Variants in ADGRG1 observed in about 807,000 individuals in gnomAD.
The protein encoded by ADGRG1 is adhesion G protein-coupled receptor G1, also known as 7-transmembrane protein with no EGF-like N-terminal domains-1.
ADGRG1 carries 53 observed loss-of-function variants against 73.5 expected under a neutral mutation model. That is an observed-to-expected ratio of 0.72 (90% confidence interval 0.58 to 0.91). The LOEUF (loss-of-function observed/expected upper bound fraction) is 0.91. Ranked by LOEUF, ADGRG1 falls within the 40% of genes least tolerant of loss-of-function variation. The pLI is 0.00. For synonymous variants in ADGRG1, 394 were observed against 374.4 expected, an observed-to-expected ratio of 1.05 and a Z score of -0.60; for missense variants, 795 against 871.8, an observed-to-expected ratio of 0.91 and a Z score of 1.11.
upstream of ADGRG1, chr16:57,625,456 C>G: frequency 2.3e-6 from 1 of 429,352 alleles, no homozygotes. Context: ...TGTCCCAGCC[C>G]TTTTCCTGGT....
rs2043181638 is a variant in ADGRG1, at chr16:57,648,324, G to C, written c.-35-1929G>C. 9.0e-6 allele frequency: 3 copies of C among 332,324 alleles called. No individual in the cohort carries two copies. The Admixed American group carries it at 1.9e-4, about 21-fold the overall frequency. The allele number at this position is 332,324 out of a possible 1,614,324, so 20.6% of individuals were successfully genotyped here. ...AGGTGGCAGGAGGCAGTTTCAAAAGGAATCAAAATGCTTACAAATCACAAC... is the reference window on the plus strand; with the variant it reads ...AGGTGGCAGGAGGCAGTTTCAAAAGCAATCAAAATGCTTACAAATCACAAC... On this transcript the variant is annotated intron_variant, in intron 1 of 13. Transcript: ENST00000562631.
rs763611950 is a variant in ADGRG1, at chr16:57,656,549, G to C, written c.1099G>C (p.Glu367Gln). ...SPGHWSSAGCETVRRETQTSC... is the reference protein window; with the variant it reads ...SPGHWSSAGCQTVRRETQTSC... ...GGGGCATTGGAGCAGTGCTGGGTGT[G>C]AGACCGTCAGGAGAGAAACCCAAAC... The change falls in exon 9 of 14, where the codon GAG becomes CAG. Residue 367 changes from glutamate (E) to glutamine (Q), a missense_variant. Transcript: ENST00000562631. The C allele has an allele frequency of 6.2e-7, 1 of 1,613,934 alleles. No homozygotes were observed.
chr16:57,650,678 C>G (rs1205093318), intron 2 of ADGRG1, among the ~76,000 whole-genome samples: 1 of 151,258 alleles, frequency 6.6e-6, no homozygotes, highest in Non-Finnish European at 1.5e-5. Context: ...TATGTTTTCC[C>G]CTTGAAATTA....
intron 8 of ADGRG1, 56 bp from the exon 9 acceptor site, chr16:57,656,458 C>A: frequency 6.3e-7 from 1 of 1,583,988 alleles, no homozygotes; most frequent in Non-Finnish European, 8.7e-7. Context: ...GGGGTGGACA[C>A]AGTGGGGTCC....
intron 1 of ADGRG1, chr16:57,632,084 GC>G: frequency 1.0e-6 from 1 of 985,464 alleles, no homozygotes; most frequent in Non-Finnish European, 1.2e-6. Context: ...TCAGTGCCTT[GC>G]ACACGACACC....
At chr16:57,650,812 C>T (rs1415361135) in intron 2 of ADGRG1, among the ~76,000 whole-genome samples, 2 of 150,102 alleles carry the variant, frequency 1.3e-5, no homozygotes, top group Non-Finnish European at 3.0e-5. Flanking sequence ...GGGTTCACGC[C>T]ATTCTCCTGC....
At chr16:57,642,176 A>G (rs2041012200) in intron 1 of ADGRG1, 19 of 985,318 alleles carry the variant, frequency 1.9e-5, no homozygotes, top group Non-Finnish European at 2.3e-5. Flanking sequence ...TCACAGGCCC[A>G]GCTGGCCACG....
chr16:57,637,603 G>A (rs920178916), intron 1 of ADGRG1: 25 of 985,448 alleles, frequency 2.5e-5, no homozygotes, highest in Non-Finnish European at 2.9e-5. Context: ...AGAACAGCAA[G>A]TCCTTTCTTT....
intron 1 of ADGRG1, chr16:57,631,071 T>G (rs12448530): frequency 0.24 from 237,021 of 984,446 alleles, 29,117 homozygotes; most frequent in African/African-American, 0.36. Flanking sequence ...GGATGGGTGT[T>G]CAGTGTGAGG....
intron 2 of ADGRG1, 40 bp downstream of exon 2, chr16:57,650,391 C>G: frequency 6.2e-7 from 1 of 1,608,854 alleles, no homozygotes; most frequent in South Asian, 1.1e-5. Flanking sequence ...TTGGAACTTA[C>G]GTTAAAATGC....
At position 57,660,789 on chromosome 16, in the gene ADGRG1, C is replaced by T. The variant is rs373179390; in HGVS notation, c.1577C>T (p.Thr526Met). 3.0e-5 allele frequency: 49 copies of T among 1,612,048 alleles called. No homozygotes were observed. Among genetic ancestry groups the T allele is most frequent in the African/African-American group, 1.1e-4 (8 of 75,016 alleles). Residue 526 changes from threonine (T) to methionine (M), a missense_variant, in exon 12 of 14, where the codon ACG (threonine) becomes ATG (methionine). Coordinates refer to ENST00000562631, the MANE Select transcript of ADGRG1 (RefSeq NM_201525.4). The stretch of plus-strand genomic sequence containing the variant: ...TCAGGCTTCCCCATCTTTCTGGTGA[C>T]GCTGGTGGCCCTGGTGGATGTGGAC... The part of the protein sequence containing the change: ...MGWGFPIFLV[T>M]LVALVDVDNY...
At position 57,656,223 on chromosome 16, in the gene ADGRG1, CAGA is replaced by C. The variant is rs2045698235; in HGVS notation, c.1020_1022del (p.Lys340del). 6.2e-7 allele frequency: 1 copy of C among 1,613,396 alleles called. No individual in the cohort carries two copies. Among genetic ancestry groups the C allele is most frequent in the East Asian group, 2.2e-5 (1 of 44,870 alleles). On this transcript the variant is annotated splice_acceptor_variant and coding_sequence_variant, in exon 8 of 14. Transcript: ENST00000562631. LOFTEE classifies it high-confidence loss of function. ...AAACCACTCTCCTTTCTTGTCCCTACAGAAGAATGTGACTCTGCAATGTGTGTT... is the reference window on the plus strand; with the variant it reads ...AAACCACTCTCCTTTCTTGTCCCTACAGAATGTGACTCTGCAATGTGTGTT...
upstream of ADGRG1, chr16:57,622,896 C>T (rs543836718): frequency 2.0e-5 from 20 of 985,448 alleles, no homozygotes; most frequent in African/African-American, 3.3e-4. Context: ...TAAGGAACTG[C>T]ATTCTGCAGT....
rs776291167 is a variant in ADGRG1 at position 57,655,911 on chromosome 16, C to T, written c.936C>T (p.Val312=). 3.7e-6 allele frequency: 6 copies of T among 1,614,164 alleles called. No individual in the cohort carries two copies. In the South Asian group the frequency reaches 6.6e-5, roughly 18 times the overall value. ...KNSSQVLGEK[V]LGIVVQNTKV... is the part of the protein sequence containing the mutation. ...CCAGCCAAGTCCTGGGTGAGAAGGT[C>T]TTGGGGATTGTGGTACAGAACACCA... Residue 312 remains valine (V), a synonymous_variant, in exon 7 of 14, where the codon GTC becomes GTT. Coordinates refer to ENST00000562631, the MANE Select transcript of ADGRG1 (RefSeq NM_201525.4).
chr16:57,647,863 T>C (rs2043074101), intron 1 of ADGRG1: 2 of 680,116 alleles, frequency 2.9e-6, no homozygotes, highest in African/African-American at 3.9e-5. Context: ...TTCACTTGTT[T>C]CCTTCCAATG....
At chr16:57,639,102 C>A (rs2040102266) in intron 1 of ADGRG1, among the ~76,000 whole-genome samples, 1 of 151,996 alleles carries the variant, frequency 6.6e-6, no homozygotes, top group African/African-American at 2.4e-5. Context: ...GTTTTAAAGT[C>A]AATGTTGACA....
chr16:57,628,241 C>G, upstream of ADGRG1: 1 of 934,964 alleles, frequency 1.1e-6, no homozygotes, highest in Non-Finnish European at 1.3e-6. Flanking sequence ...TCGCCCTGAC[C>G]TGGGGGGTGG....
At chr16:57,655,155 G>A (rs1436809094) in intron 5 of ADGRG1, 2 of 985,322 alleles carry the variant, frequency 2.0e-6, no homozygotes, top group South Asian at 4.7e-5. Flanking sequence ...AGAACATCAT[G>A]TGGTTCTCCC....
In ADGRG1 at chr16:57,659,544, C is replaced by T. The variant is rs899397928; in HGVS notation, c.1418C>T (p.Ala473Val). The T allele has an allele frequency of 6.2e-7, 1 of 1,614,130 alleles. No individual in the cohort carries two copies. Among genetic ancestry groups the T allele is most frequent in the Non-Finnish European group, 8.5e-7 (1 of 1,179,988 alleles). ...TCTGAGGCTGGCTGCCGAGCCAGTG[C>T]CATCTTCCTGCACTTCTCCCTGCTC... The part of the protein sequence containing the change: ...TGSEAGCRAS[A>V]IFLHFSLLTC... The change falls in exon 11 of 14, where the codon GCC (alanine) becomes GTC (valine). Residue 473 changes from alanine (A) to valine (V), a missense_variant. Transcript: ENST00000562631.
Sources: gnomAD v4.1 joint callset for allele counts (sites outside exome capture counted in the v4.1 genomes callset) on GRCh38, gnomAD v4.1.1 for gene constraint, MANE v1.5 for transcripts, NCBI Gene and HGNC (gene_info 2026-07-23, HGNC 2026-07-21) for gene names.